The following EYS variants were observed in gnomAD, a reference collection of about 807,000 sequenced individuals.
The protein encoded by EYS is protein eyes shut homolog.
EYS carries 250 observed loss-of-function variants against 282.1 expected under a neutral mutation model. The ratio of observed to expected loss-of-function variants is 0.89; its 90% CI spans 0.80 to 0.98. EYS has a LOEUF of 0.98. EYS is among the 50% of genes least tolerant of loss of function. EYS has a pLI of 0.00. For synonymous variants in EYS, 1,355 were observed against 1,282.9 expected, an observed-to-expected ratio of 1.06 and a Z score of -1.20; for missense variants, 4,016 against 3,709.0, an observed-to-expected ratio of 1.08 and a Z score of -2.15.
intron 22 of EYS, among the ~76,000 whole-genome samples, chr6:64,790,417 TCA>T (rs1262624615): frequency 2.0e-5 from 3 of 151,842 alleles, no homozygotes; most frequent in Non-Finnish European, 4.4e-5. Context: ...AATTATGAAT[TCA>T]GTTAGTTCAA....
At chr6:64,206,079 G>C (rs1374095643) in intron 31 of EYS, among the ~76,000 whole-genome samples, 3 of 151,170 alleles carry the variant, frequency 2.0e-5, no homozygotes, top group Non-Finnish European at 4.4e-5. Flanking sequence ...TAATCTACCT[G>C]GTAAGACTCA....
chr6:65,283,220 A>G (rs992790000), intron 12 of EYS, among the ~76,000 whole-genome samples: 2 of 151,948 alleles, frequency 1.3e-5, no homozygotes, highest in Admixed American at 6.6e-5. Flanking sequence ...CTAGTGTTCT[A>G]CTTGATCTTT....
chr6:64,584,832 G>A (rs957110284), intron 26 of EYS, among the ~76,000 whole-genome samples: 1 of 151,904 alleles, frequency 6.6e-6, no homozygotes, highest in Non-Finnish European at 1.5e-5. Flanking sequence ...GCTTAGAAAG[G>A]TATTACTTTT....
intron 30 of EYS, among the ~76,000 whole-genome samples, chr6:64,241,962 A>G (rs1242520697): frequency 1.3e-5 from 2 of 151,994 alleles, no homozygotes; most frequent in Non-Finnish European, 2.9e-5. Flanking sequence ...GTTTCTATGT[A>G]GTTGTGTGGT....
rs550381888 is a variant in EYS, at chr6:64,991,290, C to G, written c.2259+6292G>C. 9.2e-5 allele frequency among the ~76,000 whole-genome samples: 14 copies of G among 151,634 alleles called. No individual in the cohort carries two copies. The South Asian group carries it at 2.9e-3, about 31-fold the overall frequency. ...TTTTATTCTATATAAACATAGCAGG[C>G]TGTTTAAAATGGGCATGACCAAAAA... is the stretch of plus-strand genomic sequence containing the variant. On this transcript the variant is annotated intron_variant, in intron 14 of 42. Coordinates refer to ENST00000503581, the MANE Select transcript of EYS (RefSeq NM_001142800.2).
chr6:64,299,342 G>C (rs553126764), intron 30 of EYS, among the ~76,000 whole-genome samples: 4 of 152,224 alleles, frequency 2.6e-5, no homozygotes, highest in African/African-American at 9.6e-5. Flanking sequence ...TAGTCAGAGT[G>C]TGCATGCGGC....
At chr6:65,695,812 A>C (rs183306547) in intron 1 of EYS, among the ~76,000 whole-genome samples, 70 of 152,148 alleles carry the variant, frequency 4.6e-4, no homozygotes, top group African/African-American at 1.7e-3. Context: ...ATATAAACAT[A>C]GTTATATAAT....
At chr6:63,744,960 GA>G in intron 41 of EYS, 1 of 426,826 alleles carries the variant, frequency 2.3e-6, no homozygotes, top group Admixed American at 2.9e-5. Context: ...TCTCCATCAT[GA>G]AAACCACCAA....
chr6:64,601,870 C>T (rs968527674), intron 24 of EYS, among the ~76,000 whole-genome samples: 1 of 152,048 alleles, frequency 6.6e-6, no homozygotes, highest in Non-Finnish European at 1.5e-5. Flanking sequence ...GCTCAACTCC[C>T]ATTATCCACT....
intron 29 of EYS, among the ~76,000 whole-genome samples, chr6:64,366,762 T>C (rs115685807): frequency 0.017 from 2,620 of 152,122 alleles, 66 homozygotes; most frequent in African/African-American, 0.06. Context: ...TGTGGCAATG[T>C]GGACAATAGG....
intron 22 of EYS, among the ~76,000 whole-genome samples, chr6:64,804,724 C>T (rs1376038308): frequency 6.6e-6 from 1 of 152,026 alleles, no homozygotes; most frequent in Non-Finnish European, 1.5e-5. Flanking sequence ...ATTTCTGCTT[C>T]ATCAAAGGAA....
At chr6:63,850,657 C>T (rs1772223085) in intron 36 of EYS, among the ~76,000 whole-genome samples, 1 of 152,122 alleles carries the variant, frequency 6.6e-6, no homozygotes, top group African/African-American at 2.4e-5. Context: ...GTCAGCCTTA[C>T]AAGAGCTCCT....
intron 36 of EYS, among the ~76,000 whole-genome samples, chr6:63,835,849 G>T (rs1443631753): frequency 1.3e-5 from 2 of 151,946 alleles, no homozygotes; most frequent in Non-Finnish European, 2.9e-5. Flanking sequence ...GATAAATTTG[G>T]CTATTTAAAA....
chr6:65,227,698 A>T lies in EYS; in HGVS notation c.2023+68165T>A, dbSNP rs1766664053. Among the ~76,000 whole-genome samples the T allele has an allele frequency of 2.0e-5, 3 of 152,288 alleles. No individual in the cohort carries two copies. In the South Asian group the frequency reaches 6.2e-4, roughly 32 times the overall value. On this transcript the variant is annotated intron_variant, in intron 12 of 42. Transcript: ENST00000503581. ...ATATCCATACATTGATGAATGAATAAACAAAATGTGGTATAGCCATAAAAT... is the reference window on the plus strand; with the variant it reads ...ATATCCATACATTGATGAATGAATATACAAAATGTGGTATAGCCATAAAAT...
chr6:64,558,122 T>C (rs1033542633), intron 26 of EYS, among the ~76,000 whole-genome samples: 2 of 152,110 alleles, frequency 1.3e-5, no homozygotes, highest in African/African-American at 4.8e-5. Flanking sequence ...GATGCAACCC[T>C]GAAAACTAAA....
chr6:64,425,721 A>C (rs1216873146), intron 28 of EYS, among the ~76,000 whole-genome samples: 2 of 152,014 alleles, frequency 1.3e-5, no homozygotes, highest in African/African-American at 4.8e-5. Flanking sequence ...ACAGAGAAAA[A>C]ATAAGTAGAT....
intron 14 of EYS, among the ~76,000 whole-genome samples, chr6:64,983,732 T>A (rs1053930292): frequency 6.7e-6 from 1 of 148,886 alleles, no homozygotes; most frequent in Non-Finnish European, 1.5e-5. Flanking sequence ...TTCTAGGTAA[T>A]TTTTTTTTTC....
intron 22 of EYS, among the ~76,000 whole-genome samples, chr6:64,748,014 C>T (rs1772612558): frequency 6.6e-6 from 1 of 152,072 alleles, no homozygotes; most frequent in Non-Finnish European, 1.5e-5. Flanking sequence ...GTCATTTATA[C>T]CAACCAAGGT....
chr6:65,332,430 T>C, intron 11 of EYS: 1 of 1,380,158 alleles, frequency 7.2e-7, no homozygotes, highest in Non-Finnish European at 1.0e-6. Flanking sequence ...GTGAATTAAT[T>C]TGGGAAGAAT....
Sources: gnomAD v4.1 joint callset for allele counts (sites outside exome capture counted in the v4.1 genomes callset) on GRCh38, gnomAD v4.1.1 for gene constraint, MANE v1.5 for transcripts, NCBI Gene and HGNC (gene_info 2026-07-23, HGNC 2026-07-21) for gene names.